The following ARMC3 variants were observed in gnomAD, a reference collection of about 807,000 sequenced individuals.
The protein encoded by ARMC3 is armadillo repeat containing 3.
ARMC3 carries 74 observed loss-of-function variants against 90.3 expected under a neutral mutation model. That is an observed-to-expected ratio of 0.82 (90% confidence interval 0.68 to 0.99). The LOEUF (loss-of-function observed/expected upper bound fraction) is 0.99. Among genes scored for constraint, ARMC3 ranks in the 50% least tolerant of loss-of-function variants. The pLI, the probability that ARMC3 is intolerant of heterozygous loss-of-function variation, is 0.00. For synonymous variants in ARMC3, 334 were observed against 361.8 expected (o/e 0.92, Z 0.87); for missense variants, 958 against 1,042.8 (o/e 0.92, Z 1.12).
At chr10:22,973,494 G>A (rs16922847) in intron 8 of ARMC3, among the ~76,000 whole-genome samples, 2,789 of 150,604 alleles carry the variant, frequency 0.019, 94 homozygotes, top group African/African-American at 0.065. Flanking sequence ...CTTATCATAT[G>A]CAATTCATTT....
chr10:22,960,494 A>G (rs1293473621), intron 6 of ARMC3: 1 of 152,102 alleles, frequency 6.6e-6, no homozygotes, highest in African/African-American at 2.4e-5. Context: ...CTCCCTAAAA[A>G]AGAGACCCTG....
chr10:22,954,783 A>T (rs2131229445), intron 3 of ARMC3, among the ~76,000 whole-genome samples: 1 of 152,310 alleles, frequency 6.6e-6, no homozygotes, highest in South Asian at 2.1e-4. Context: ...GCATTGTATT[A>T]GTCAGGATTC....
At position 22,954,479 on chromosome 10, in the gene ARMC3, T is replaced by C. The variant is rs182476839; in HGVS notation, c.167-1328T>C. The stretch of plus-strand genomic sequence containing the variant: ...GAGTTTGAGACCAGCCTGGGAAACA[T>C]AGTGAGACCCCATCTCTACAAAAAA... On this transcript the variant is annotated intron_variant, in intron 3 of 18. Transcript: ENST00000298032. 2.8e-3 allele frequency among the ~76,000 whole-genome samples: 417 copies of C among 149,894 alleles called. 1 individual carries two copies. The highest frequency in any genetic ancestry group is 0.01 in the African/African-American group (412 of 40,616).
In ARMC3 at chr10:22,998,145, C is replaced by T; in HGVS notation, c.1176-3C>T. The T allele has an allele frequency of 6.2e-7, 1 of 1,613,230 alleles. No homozygotes were observed. The highest frequency in any genetic ancestry group is 8.5e-7 in the Non-Finnish European group (1 of 1,179,602). Reference sequence around the variant, plus strand: ...CACATTCATTTCTCTTTCATTTACTCAGCGCTGCTGCTGAAGCTGATGGTA... The same window carrying T: ...CACATTCATTTCTCTTTCATTTACTTAGCGCTGCTGCTGAAGCTGATGGTA... On this transcript the variant is annotated splice_polypyrimidine_tract_variant and splice_region_variant and intron_variant, in intron 10 of 18. Transcript: ENST00000298032.
intron 11 of ARMC3, among the ~76,000 whole-genome samples, chr10:23,001,674 G>A (rs958380035): frequency 2.6e-5 from 4 of 152,076 alleles, no homozygotes; most frequent in Non-Finnish European, 4.4e-5. Flanking sequence ...TGCAGTCCCC[G>A]TCCCACGTAA....
intron 16 of ARMC3, among the ~76,000 whole-genome samples, chr10:23,025,408 A>T (rs778953046): frequency 1.5e-4 from 23 of 152,198 alleles, no homozygotes; most frequent in Non-Finnish European, 2.5e-4. Flanking sequence ...TACAATAATC[A>T]TGATAAATCA....
intron 3 of ARMC3, among the ~76,000 whole-genome samples, chr10:22,954,133 T>G (rs1221246184): frequency 6.6e-6 from 1 of 152,164 alleles, no homozygotes; most frequent in Admixed American, 6.5e-5. Context: ...GAGAGAAAAA[T>G]GTACTTTATT....
At chr10:23,009,620 T>G (rs1344277249) in intron 16 of ARMC3, among the ~76,000 whole-genome samples, 1 of 152,234 alleles carries the variant, frequency 6.6e-6, no homozygotes, top group Non-Finnish European at 1.5e-5. Flanking sequence ...TGCTTCAACC[T>G]CCTAAGTAGC....
At chr10:22,974,185 A>G (rs1162431146) in intron 8 of ARMC3, among the ~76,000 whole-genome samples, 1 of 152,164 alleles carries the variant, frequency 6.6e-6, no homozygotes, top group Non-Finnish European at 1.5e-5. Context: ...ACCATGTATT[A>G]TCAAACATGG....
chr10:22,963,452 G>A (rs192284434), intron 7 of ARMC3, among the ~76,000 whole-genome samples: 12 of 152,190 alleles, frequency 7.9e-5, no homozygotes, highest in Non-Finnish European at 1.5e-5. Flanking sequence ...AATATAGAGA[G>A]TGAAACATCA....
intron 8 of ARMC3, among the ~76,000 whole-genome samples, chr10:22,972,265 T>C (rs1332936905): frequency 6.6e-6 from 1 of 152,194 alleles, no homozygotes; most frequent in East Asian, 1.9e-4. Context: ...CATTACCAAA[T>C]ATCAAAGCTT....
intron 16 of ARMC3, among the ~76,000 whole-genome samples, chr10:23,029,054 C>T (rs1359113976): frequency 1.3e-5 from 2 of 152,274 alleles, no homozygotes; most frequent in East Asian, 3.9e-4. Flanking sequence ...CAATTTTAGG[C>T]TCTTATAGGA....
In ARMC3 at chr10:22,931,967, C is replaced by T. The variant is rs761335852; in HGVS notation, c.-1-29C>T. ...TTGAGAAATGTATGTGCAAATGTCA[C>T]TTTAACCATATATTGCATCTTTTTC... On this transcript the variant is annotated intron_variant, in intron 1 of 18. Transcript: ENST00000298032. The T allele has an allele frequency of 2.5e-6, 4 of 1,582,700 alleles. No individual in the cohort carries two copies. In the Admixed American group the frequency reaches 5.4e-5, roughly 21 times the overall value.
At chr10:22,935,787 A>G (rs1834084611) in intron 2 of ARMC3, among the ~76,000 whole-genome samples, 1 of 152,230 alleles carries the variant, frequency 6.6e-6, no homozygotes, top group Non-Finnish European at 1.5e-5. Flanking sequence ...GTTATAAAGT[A>G]AACTAAAAGG....
chr10:23,033,055 A>G (rs772065957), intron 18 of ARMC3, 32 bp downstream of exon 18: 27 of 1,604,756 alleles, frequency 1.7e-5, no homozygotes, highest in Non-Finnish European at 6.8e-6. Flanking sequence ...ATTTGCCATT[A>G]AGTAAAAATG....
At chr10:22,995,488 T>A (rs1836908602) in intron 10 of ARMC3, among the ~76,000 whole-genome samples, 1 of 152,204 alleles carries the variant, frequency 6.6e-6, no homozygotes, top group Non-Finnish European at 1.5e-5. Context: ...GTGCTGGCAT[T>A]TATGTTCAAT....
chr10:22,977,555 G>A (rs1019276399), intron 8 of ARMC3, among the ~76,000 whole-genome samples: 1 of 152,096 alleles, frequency 6.6e-6, no homozygotes, highest in Non-Finnish European at 1.5e-5. Flanking sequence ...CTCTATTACT[G>A]TGCAAACTTC....
intron 16 of ARMC3, among the ~76,000 whole-genome samples, chr10:23,020,114 TTTTTG>T (rs964385176): frequency 1.2e-4 from 18 of 152,036 alleles, no homozygotes; most frequent in South Asian, 2.1e-4. Context: ...TGAATGTAAG[TTTTTG>T]TTTTGTTTTG....
chr10:22,961,664 A>C, intron 6 of ARMC3: 1 of 467,078 alleles, frequency 2.1e-6, no homozygotes, highest in South Asian at 3.1e-5. Flanking sequence ...TAGATCATGT[A>C]TATTTTCTGT....
Sources: allele counts gnomAD v4.1 joint callset (sites outside exome capture counted in the v4.1 genomes callset), GRCh38; gene constraint gnomAD v4.1.1; transcripts MANE v1.5; gene names NCBI Gene and HGNC (gene_info 2026-07-23, HGNC 2026-07-21).